Variants in UBAP2L observed in about 807,000 individuals in gnomAD.
The protein encoded by UBAP2L is ubiquitin-associated protein 2-like.
In UBAP2L, 12 loss-of-function variants were observed where a neutral mutation model predicts 130.6. The observed-to-expected ratio is 0.09, with a 90% CI of 0.06 to 0.15. The LOEUF is 0.15. Ranked by LOEUF, UBAP2L falls within the 10% of genes least tolerant of loss-of-function variation. UBAP2L has a pLI of 1.00. For missense variants in UBAP2L, 965 were observed against 1,332.5 expected (o/e 0.72, Z 4.29); for synonymous variants, 503 against 524.7 (o/e 0.96, Z 0.57).
intron 3 of UBAP2L, 26 bp from the exon 4 acceptor site, chr1:154,228,589 G>T (rs1221547745): frequency 6.4e-7 from 1 of 1,559,392 alleles, no homozygotes; most frequent in South Asian, 1.1e-5. Flanking sequence ...GCCTGTTCAT[G>T]ATGGTTGCTG....
In UBAP2L at chr1:154,270,777, T is replaced by TTG. The variant is rs1023648544; in HGVS notation, c.*483_*484insGT. The TTG allele has an allele frequency of 1.2e-4, 146 of 1,246,794 alleles. 4 individuals are homozygous for TTG. The highest frequency in any genetic ancestry group is 2.7e-4 in the South Asian group (11 of 41,132). 77.2% of individuals were successfully genotyped at this position (1,246,794 alleles called of 1,614,324 possible). On this transcript the variant is annotated 3_prime_UTR_variant, in exon 27 of 27. Transcript: ENST00000428931. ...TGAAGTGGTTTTTTTTTTGTTTTTT[T>TTG]TTTTTTTTTGTACTGTGTCCTCAAA...
chr1:154,255,560 T>C, intron 17 of UBAP2L, 123 bp from the exon 18 acceptor site: 1 of 1,259,210 alleles, frequency 7.9e-7, no homozygotes. Context: ...GTGCTTAACA[T>C]ATGATCTCAG....
At chr1:154,245,951 C>T (rs901174331) in intron 10 of UBAP2L, among the ~76,000 whole-genome samples, 7 of 152,130 alleles carry the variant, frequency 4.6e-5, no homozygotes, top group Admixed American at 3.3e-4. Context: ...TTTGATATTT[C>T]ATTAAATTAA....
chr1:154,270,053 A>G, intron 26 of UBAP2L, 147 bp from the exon 27 acceptor site: 1 of 979,860 alleles, frequency 1.0e-6, no homozygotes, highest in Non-Finnish European at 1.4e-6. Context: ...TTTAGCAGCT[A>G]TGCAGACCAA....
At chr1:154,233,560 T>G (rs1052149187) in intron 4 of UBAP2L, among the ~76,000 whole-genome samples, 1 of 150,686 alleles carries the variant, frequency 6.6e-6, no homozygotes, top group African/African-American at 2.5e-5. Flanking sequence ...CCTGCCCTTG[T>G]GATCTGCCCG....
chr1:154,259,851 A>G (rs775172764), intron 21 of UBAP2L, 97 bp from the exon 22 acceptor site: 217 of 1,284,580 alleles, frequency 1.7e-4, no homozygotes, highest in Admixed American at 4.1e-4. Flanking sequence ...AAATTGCACA[A>G]CTCTCACATT....
At chr1:154,231,366 T>G (rs1220036775) in intron 4 of UBAP2L, among the ~76,000 whole-genome samples, 1 of 148,386 alleles carries the variant, frequency 6.7e-6, no homozygotes, top group African/African-American at 2.5e-5. Context: ...AATGGTGAGA[T>G]CTCGGCTCAC....
intron 4 of UBAP2L, among the ~76,000 whole-genome samples, chr1:154,229,313 C>A (rs1242755190): frequency 6.6e-6 from 1 of 152,044 alleles, no homozygotes; most frequent in Non-Finnish European, 1.5e-5. Flanking sequence ...GGAATTTAGA[C>A]AAGTCGCTTT....
intron 6 of UBAP2L, 152 bp downstream of exon 6, chr1:154,235,443 C>A: frequency 1.8e-6 from 1 of 564,404 alleles, no homozygotes; most frequent in Non-Finnish European, 3.2e-6. Flanking sequence ...GCCTCAGACT[C>A]CTGGGCTCAA....
At chr1:154,238,195 C>A (rs3790613) in intron 8 of UBAP2L, among the ~76,000 whole-genome samples, 15,746 of 152,242 alleles carry the variant, frequency 0.1, 1,338 homozygotes, top group East Asian at 0.44. Context: ...CGCCAAGTTG[C>A]TATCTTATAA....
At chr1:154,220,293 C>G, upstream of UBAP2L, 1 of 1,606,658 alleles carries the variant, frequency 6.2e-7, no homozygotes, top group Non-Finnish European at 8.5e-7. Flanking sequence ...AGGAGGGTCT[C>G]TACTGGGTAA....
At chr1:154,236,445 C>A (rs910652498) in intron 6 of UBAP2L, 121 bp from the exon 7 acceptor site, 6 of 1,006,424 alleles carry the variant, frequency 6.0e-6, no homozygotes, top group African/African-American at 1.6e-5. Context: ...CCAATCCGCC[C>A]GCCCTCAGCC....
At chr1:154,227,212 C>T (rs965110116) in intron 2 of UBAP2L, 70 bp from the exon 3 acceptor site, 45 of 1,380,914 alleles carry the variant, frequency 3.3e-5, no homozygotes, top group Non-Finnish European at 4.1e-5. Flanking sequence ...TGGAGGCTGA[C>T]GAAATAGGTT....
At chr1:154,223,175 G>T (rs1300829013) in intron 1 of UBAP2L, among the ~76,000 whole-genome samples, 3 of 152,278 alleles carry the variant, frequency 2.0e-5, no homozygotes, top group African/African-American at 7.2e-5. Flanking sequence ...AATGTTACTA[G>T]CAAGAGTGAT....
At chr1:154,263,465 AT>A in intron 24 of UBAP2L, 1 of 1,161,428 alleles carries the variant, frequency 8.6e-7, no homozygotes, top group Non-Finnish European at 1.1e-6. Context: ...TAACAAAAAT[AT>A]TTGTAGTCTT....
At chr1:154,246,534 G>C (rs1361054264) in intron 11 of UBAP2L, among the ~76,000 whole-genome samples, 159 bp downstream of exon 11, 1 of 151,660 alleles carries the variant, frequency 6.6e-6, no homozygotes, top group Admixed American at 6.6e-5. Context: ...TGGGTAATAG[G>C]GGGTAGCTCT....
upstream of UBAP2L, chr1:154,220,569 G>C (rs1459905867): frequency 5.8e-6 from 4 of 690,920 alleles, no homozygotes; most frequent in Non-Finnish European, 1.0e-5. Context: ...ATGGCGGACA[G>C]GCAGGAGAGC....
chr1:154,232,542 A>G (rs1422510174), intron 4 of UBAP2L, among the ~76,000 whole-genome samples: 2 of 152,102 alleles, frequency 1.3e-5, no homozygotes, highest in Non-Finnish European at 2.9e-5. Context: ...GGAATGTATC[A>G]TAGATATGTA....
intron 11 of UBAP2L, 52 bp from the exon 12 acceptor site, chr1:154,249,187 C>T: frequency 6.3e-7 from 1 of 1,584,790 alleles, no homozygotes; most frequent in Non-Finnish European, 8.7e-7. Flanking sequence ...TTATGAGTAG[C>T]TGAACAAGGT....
Sources: gnomAD v4.1 joint callset for allele counts (sites outside exome capture counted in the v4.1 genomes callset) on GRCh38, gnomAD v4.1.1 for gene constraint, MANE v1.5 for transcripts, NCBI Gene and HGNC (gene_info 2026-07-23, HGNC 2026-07-21) for gene names.